Variants in CA10 observed in about 807,000 individuals in gnomAD.
CA10 encodes the protein carbonic anhydrase-related protein 10.
CA10 carries 14 observed loss-of-function variants against 44.2 expected under a neutral mutation model. That is an observed-to-expected ratio of 0.32 (90% CI 0.21 to 0.50). CA10 has a LOEUF of 0.50. Among genes scored for constraint, CA10 ranks in the 20% least tolerant of loss-of-function variants. CA10 has a pLI of 0.99. For missense variants in CA10, 350 were observed against 409.7 expected, an observed-to-expected ratio of 0.85 and a Z score of 1.26; for synonymous variants, 159 against 141.6, an observed-to-expected ratio of 1.12 and a Z score of -0.87.
intron 1 of CA10, among the ~76,000 whole-genome samples, chr17:52,101,483 C>T (rs542260877): frequency 2.6e-5 from 4 of 152,246 alleles, no homozygotes; most frequent in South Asian, 4.1e-4. Flanking sequence ...GATCCCTAAG[C>T]GAGGGCCACC....
intron 3 of CA10, among the ~76,000 whole-genome samples, chr17:51,804,376 G>A (rs577562707): frequency 1.1e-4 from 17 of 152,182 alleles, no homozygotes; most frequent in African/African-American, 3.6e-4. Context: ...AATGCTGCTC[G>A]CTTACTGAGC....
chr17:52,055,539 A>G (rs1482033078), intron 2 of CA10, among the ~76,000 whole-genome samples: 2 of 152,116 alleles, frequency 1.3e-5, no homozygotes, highest in African/African-American at 4.8e-5. Context: ...AGGCTCCAAG[A>G]ATGTATTCAA....
At chr17:51,663,074 T>C (rs1017511429) in intron 4 of CA10, among the ~76,000 whole-genome samples, 12 of 152,168 alleles carry the variant, frequency 7.9e-5, no homozygotes, top group Non-Finnish European at 1.0e-4. Context: ...TGCATCTATC[T>C]AAGAATTGTC....
intron 3 of CA10, among the ~76,000 whole-genome samples, chr17:51,872,692 T>C (rs546077999): frequency 6.6e-6 from 1 of 152,372 alleles, no homozygotes; most frequent in South Asian, 2.1e-4. Flanking sequence ...GAGCCAATTG[T>C]TAAATTTTCA....
At chr17:51,835,442 T>G (rs62063186) in intron 3 of CA10, among the ~76,000 whole-genome samples, 13,661 of 152,282 alleles carry the variant, frequency 0.09, 903 homozygotes, top group African/African-American at 0.18. Flanking sequence ...CTGTACTTCT[T>G]AAACATCCCA....
chr17:51,811,042 A>G (rs767626945), intron 3 of CA10, among the ~76,000 whole-genome samples: 1 of 152,146 alleles, frequency 6.6e-6, no homozygotes, highest in Non-Finnish European at 1.5e-5. Context: ...CTGAAAATAC[A>G]AAAATTAGCC....
chr17:51,876,252 G>A (rs1980073280), intron 3 of CA10, among the ~76,000 whole-genome samples: 1 of 144,632 alleles, frequency 6.9e-6, no homozygotes, highest in Admixed American at 7.1e-5. Flanking sequence ...CTGCAGCCTG[G>A]ACCTCTCAGG....
At chr17:51,803,202 G>T (rs117007689) in intron 3 of CA10, among the ~76,000 whole-genome samples, 4,877 of 152,278 alleles carry the variant, frequency 0.032, 126 homozygotes, top group South Asian at 0.042. Context: ...CAAGGAGATG[G>T]GTTTGGGGTT....
At chr17:51,944,372 C>G (rs1480138621) in intron 2 of CA10, among the ~76,000 whole-genome samples, 1 of 152,138 alleles carries the variant, frequency 6.6e-6, no homozygotes, top group African/African-American at 2.4e-5. Context: ...AGACCCTGCC[C>G]CTCAATGGCC....
At chr17:52,055,636 T>C (rs1987207500) in intron 2 of CA10, among the ~76,000 whole-genome samples, 2 of 152,136 alleles carry the variant, frequency 1.3e-5, no homozygotes, top group Non-Finnish European at 2.9e-5. Flanking sequence ...TTGTGTGATA[T>C]ATTATAAAAA....
chr17:51,857,630 T>G (rs904617750), intron 3 of CA10, among the ~76,000 whole-genome samples: 1 of 152,090 alleles, frequency 6.6e-6, no homozygotes, highest in Non-Finnish European at 1.5e-5. Context: ...CAACAAACTA[T>G]TAGCAAAAAA....
intron 4 of CA10, among the ~76,000 whole-genome samples, chr17:51,715,677 G>T (rs1023893304): frequency 3.3e-5 from 5 of 152,174 alleles, no homozygotes; most frequent in African/African-American, 9.6e-5. Flanking sequence ...TGTGATCAGA[G>T]AGTAGTCTTG....
At chr17:52,149,533 C>T (rs2143407750) in intron 1 of CA10, among the ~76,000 whole-genome samples, 1 of 152,288 alleles carries the variant, frequency 6.6e-6, no homozygotes, top group African/African-American at 2.4e-5. Context: ...CAAACCTTCC[C>T]ACCCCAACCC....
intron 3 of CA10, among the ~76,000 whole-genome samples, chr17:51,844,280 T>C (rs1978396928): frequency 6.6e-6 from 1 of 152,190 alleles, no homozygotes; most frequent in South Asian, 2.1e-4. Context: ...AATAACCCTT[T>C]TTGTGATGTT....
At chr17:51,812,130 C>G (rs573708383) in intron 3 of CA10, among the ~76,000 whole-genome samples, 1 of 152,250 alleles carries the variant, frequency 6.6e-6, no homozygotes, top group South Asian at 2.1e-4. Flanking sequence ...CACTAATATG[C>G]GGAAGCCCAC....
chr17:51,817,977 G>A (rs1907628764), intron 3 of CA10, among the ~76,000 whole-genome samples: 1 of 152,194 alleles, frequency 6.6e-6, no homozygotes, highest in East Asian at 1.9e-4. Flanking sequence ...ACCCAACATT[G>A]CTTTCTCCAT....
intron 3 of CA10, among the ~76,000 whole-genome samples, chr17:51,837,222 A>G (rs1908518806): frequency 6.6e-6 from 1 of 152,098 alleles, no homozygotes; most frequent in South Asian, 2.1e-4. Flanking sequence ...CTGAAGGCAA[A>G]ACTGAGTTAG....
intron 2 of CA10, among the ~76,000 whole-genome samples, chr17:52,031,775 G>C (rs11657957): frequency 0.12 from 18,369 of 151,906 alleles, 1,194 homozygotes; most frequent in South Asian, 0.25. Flanking sequence ...CTCCCATTCC[G>C]CCAAATTTCC....
At chr17:51,711,741 A>C (rs187389350) in intron 4 of CA10, among the ~76,000 whole-genome samples, 1 of 152,342 alleles carries the variant, frequency 6.6e-6, no homozygotes, top group Admixed American at 6.5e-5. Context: ...TGGAGTATGA[A>C]TCTCACAACA....
Sources: gnomAD v4.1 joint callset for allele counts (sites outside exome capture counted in the v4.1 genomes callset) on GRCh38, gnomAD v4.1.1 for gene constraint, MANE v1.5 for transcripts, NCBI Gene and HGNC (gene_info 2026-07-23, HGNC 2026-07-21) for gene names.